The following IFT122 variants were observed in gnomAD, a reference collection of about 807,000 sequenced individuals.
IFT122 encodes intraflagellar transport protein 122 homolog.
In IFT122, 118 loss-of-function variants were observed where a neutral mutation model predicts 161.6. That is an observed-to-expected ratio of 0.73 (90% CI 0.63 to 0.85). The LOEUF is 0.85. Among genes scored for constraint, IFT122 ranks in the 40% least tolerant of loss-of-function variants. IFT122 has a pLI of 0.00. For missense variants in IFT122, 1,381 were observed against 1,579.6 expected (o/e 0.87, Z 2.13); for synonymous variants, 550 against 602.4 (o/e 0.91, Z 1.27).
chr3:129,461,905 A>C (rs2076249500), intron 5 of IFT122, among the ~76,000 whole-genome samples: 1 of 152,154 alleles, frequency 6.6e-6, no homozygotes, highest in Non-Finnish European at 1.5e-5. Flanking sequence ...GAAGGGAGTG[A>C]AATTGGGCAG....
chr3:129,447,236 G>A (rs776305866), intron 1 of IFT122, among the ~76,000 whole-genome samples: 2 of 152,184 alleles, frequency 1.3e-5, no homozygotes, highest in African/African-American at 4.8e-5. Context: ...ATGTGCCCAC[G>A]GTGGTTGGGG....
At chr3:129,464,419 A>G (rs2076498594) in intron 6 of IFT122, among the ~76,000 whole-genome samples, 1 of 152,194 alleles carries the variant, frequency 6.6e-6, no homozygotes, top group Non-Finnish European at 1.5e-5. Context: ...AAAGGCACCA[A>G]ATGGTGCCTT....
chr3:129,475,459 C>G (rs534154342), intron 9 of IFT122, among the ~76,000 whole-genome samples: 1 of 152,072 alleles, frequency 6.6e-6, no homozygotes, highest in Non-Finnish European at 1.5e-5. Flanking sequence ...TGAGACTAGC[C>G]GGGACAACAA....
chr3:129,454,509 A>G (rs539775738), intron 3 of IFT122, among the ~76,000 whole-genome samples: 1,623 of 110,576 alleles, frequency 0.015, 42 homozygotes, highest in African/African-American at 0.075. Flanking sequence ...CATGGTAGTC[A>G]TATTTGTGTG....
At chr3:129,516,339 C>T (rs1167071970) in intron 26 of IFT122, among the ~76,000 whole-genome samples, 10 of 131,644 alleles carry the variant, frequency 7.6e-5, no homozygotes, top group African/African-American at 2.1e-4. Context: ...ACAGAGACTG[C>T]CCCTGCACAC....
chr3:129,494,719 C>CA (rs2080628437), intron 17 of IFT122, among the ~76,000 whole-genome samples: 1 of 150,250 alleles, frequency 6.7e-6, no homozygotes, highest in Non-Finnish European at 1.5e-5. Flanking sequence ...TTGTTGGGGA[C>CA]ATCACTTGCT....
intron 18 of IFT122, among the ~76,000 whole-genome samples, chr3:129,496,918 C>G (rs1485049303): frequency 2.0e-5 from 3 of 152,122 alleles, no homozygotes; most frequent in Non-Finnish European, 1.5e-5. Context: ...GGATCAAGAC[C>G]CTAGAGGTAG....
chr3:129,488,259 C>T lies in IFT122; in HGVS notation c.1854C>T (p.Ser618=), dbSNP rs146874343. The T allele has an allele frequency of 1.9e-3, 3,040 of 1,613,736 alleles. 27 individuals are homozygous for T. The African/African-American group carries it at 0.032, about 17-fold the overall frequency. ...FSISAVEVPQ[S]APMYQYLDRK... ...TTTCCCTTGATGAAATCCTGCAGTC[C>T]GCTCCCATGTACCAGTACCTGGATA... Residue 618 remains serine (S), a splice_region_variant and synonymous_variant, in exon 16 of 30, where the codon TCC becomes TCT. Transcript: ENST00000348417.
intron 4 of IFT122, among the ~76,000 whole-genome samples, chr3:129,460,487 T>C (rs2076102309): frequency 1.3e-5 from 2 of 152,120 alleles, no homozygotes; most frequent in South Asian, 2.1e-4. Flanking sequence ...CTATGACTCC[T>C]GAGCTCAAGC....
At position 129,499,890 on chromosome 3, in the gene IFT122, G is replaced by A. The variant is rs1252322245; in HGVS notation, c.2209-12G>A. The A allele has an allele frequency of 1.2e-6, 2 of 1,613,880 alleles. No homozygotes were observed. The highest frequency in any genetic ancestry group is 3.3e-5 in the Admixed American group (2 of 60,004). ...CTGATCCAGAGTGTTTTTGTTTGTTGTGCTTCCTCAGGATTTCCTTGGATC... is the reference window on the plus strand; with the variant it reads ...CTGATCCAGAGTGTTTTTGTTTGTTATGCTTCCTCAGGATTTCCTTGGATC... On this transcript the variant is annotated splice_polypyrimidine_tract_variant and intron_variant, in intron 18 of 29. Transcript: ENST00000348417.
chr3:129,517,478 A>G lies in IFT122; in HGVS notation c.3275A>G (p.His1092Arg). The change falls in exon 27 of 30, where the codon CAC becomes CGC. Residue 1092 changes from histidine (H) to arginine (R), a missense_variant. Physicochemically the swap from His to Arg is conservative, Grantham distance 29. Transcript: ENST00000348417. ...IFSASSYDVL[H>R]LVEFYLEEGI... is the part of the protein sequence containing the mutation. ...TCTCTATGCCCTCCAGACGTGCTAC[A>G]CCTGGTTGAGTTCTACCTGGAGGAA... is the stretch of plus-strand genomic sequence containing the variant. 1 of 1,613,700 alleles carries G rather than the reference A, an allele frequency of 6.2e-7. No individual in the cohort carries two copies. Among genetic ancestry groups the G allele is most frequent in the Non-Finnish European group, 8.5e-7 (1 of 1,179,750 alleles).
intron 3 of IFT122, chr3:129,457,781 G>C (rs1267759124): frequency 1.4e-5 from 2 of 147,750 alleles, no homozygotes; most frequent in East Asian, 4.0e-4. Context: ...TGTTGCCCAG[G>C]CTGGAGTGCA....
chr3:129,515,285 G>C (rs1174921249), intron 25 of IFT122: 1 of 631,566 alleles, frequency 1.6e-6, no homozygotes, highest in Non-Finnish European at 2.9e-6. Flanking sequence ...GGGGACCCAA[G>C]TGACAGGGCT....
At chr3:129,443,193 A>T (rs1211123458) in intron 1 of IFT122, among the ~76,000 whole-genome samples, 1 of 152,262 alleles carries the variant, frequency 6.6e-6, no homozygotes, top group African/African-American at 2.4e-5. Flanking sequence ...ATGAGGTGAC[A>T]TAAGTTACCT....
intron 15 of IFT122, among the ~76,000 whole-genome samples, chr3:129,487,086 A>G (rs1291852266): frequency 8.5e-5 from 13 of 152,240 alleles, no homozygotes; most frequent in Non-Finnish European, 1.8e-4. Context: ...AAAAGCCCCA[A>G]ATGGAGAAAA....
At chr3:129,446,064 C>T (rs1436703599) in intron 1 of IFT122, among the ~76,000 whole-genome samples, 1 of 152,088 alleles carries the variant, frequency 6.6e-6, no homozygotes, top group Non-Finnish European at 1.5e-5. Context: ...GTATACCTCT[C>T]TGGCATTAAC....
At chr3:129,443,956 A>G (rs1346450364) in intron 1 of IFT122, among the ~76,000 whole-genome samples, 1 of 152,230 alleles carries the variant, frequency 6.6e-6, no homozygotes, top group African/African-American at 2.4e-5. Flanking sequence ...CACAGGAATC[A>G]CTTTGATGAG....
chr3:129,486,428 A>G (rs1243270194), intron 15 of IFT122, among the ~76,000 whole-genome samples: 1 of 152,194 alleles, frequency 6.6e-6, no homozygotes, highest in African/African-American at 2.4e-5. Flanking sequence ...ATTTCTCCTT[A>G]TTACTGACTC....
chr3:129,477,552 A>T (rs73204214), intron 11 of IFT122, among the ~76,000 whole-genome samples: 11,666 of 152,242 alleles, frequency 0.077, 504 homozygotes, highest in South Asian at 0.1. Context: ...CCCCTTGGGC[A>T]GCTTCACAGT....
Sources: gnomAD v4.1 joint callset for allele counts (sites outside exome capture counted in the v4.1 genomes callset) on GRCh38, gnomAD v4.1.1 for gene constraint, MANE v1.5 for transcripts, NCBI Gene and HGNC (gene_info 2026-07-23, HGNC 2026-07-21) for gene names.